The following NFIB variants were observed in gnomAD, a reference collection of about 807,000 sequenced individuals.
NFIB encodes the protein nuclear factor I B.
NFIB carries 11 observed loss-of-function variants against 61.5 expected under a neutral mutation model. The ratio of observed to expected loss-of-function variants is 0.18; its 90% CI spans 0.11 to 0.30. The LOEUF (loss-of-function observed/expected upper bound fraction) is 0.30. Among genes scored for constraint, NFIB ranks in the 10% least tolerant of loss-of-function variants. The pLI, the probability that NFIB is intolerant of heterozygous loss-of-function variation, is 1.00. For synonymous variants in NFIB, 260 were observed against 216.5 expected (o/e 1.20, Z -1.76); for missense variants, 471 against 608.9 (o/e 0.77, Z 2.38).
chr9:14,310,255 C>CT (rs936423394), intron 1 of NFIB, among the ~76,000 whole-genome samples: 6 of 151,976 alleles, frequency 3.9e-5, no homozygotes, highest in South Asian at 2.1e-4. Flanking sequence ...AAAACATGCT[C>CT]TTTTTTTTGA....
At chr9:14,308,389 G>A (rs1344524379) in intron 1 of NFIB, among the ~76,000 whole-genome samples, 1 of 152,080 alleles carries the variant, frequency 6.6e-6, no homozygotes, top group Admixed American at 6.6e-5. Flanking sequence ...TTTTTAAATA[G>A]AAGTTTTCAA....
chr9:14,528,089 T>C, the NFIB span, among the ~76,000 whole-genome samples: 2 of 152,178 alleles, frequency 1.3e-5, no homozygotes, highest in Admixed American at 1.3e-4. Context: ...GGATTTTCAG[T>C]TTAAAATAGT....
the NFIB span, among the ~76,000 whole-genome samples, chr9:14,517,759 G>T: frequency 6.6e-6 from 1 of 152,052 alleles, no homozygotes; most frequent in Non-Finnish European, 1.5e-5. Context: ...TAATTTAAGT[G>T]CCCTCACTTA....
intron 1 of NFIB, among the ~76,000 whole-genome samples, chr9:14,367,268 C>T (rs1467390990): frequency 6.6e-6 from 1 of 151,960 alleles, no homozygotes; most frequent in East Asian, 1.9e-4. Context: ...GTGACAGTTT[C>T]CATAGTGAAC....
intron 10 of NFIB, among the ~76,000 whole-genome samples, chr9:14,097,875 C>CTTTT (rs71321962): frequency 6.3e-5 from 7 of 110,834 alleles, no homozygotes; most frequent in African/African-American, 1.4e-4. Flanking sequence ...TTTCTTTTTT[C>CTTTT]TTTTTTTTTT....
chr9:14,480,130 G>A, the NFIB span, among the ~76,000 whole-genome samples: 5 of 151,888 alleles, frequency 3.3e-5, no homozygotes, highest in Non-Finnish European at 7.4e-5. Flanking sequence ...TATAAGTCAG[G>A]CCCTCTTCAA....
At chr9:14,519,558 T>C in the NFIB span, among the ~76,000 whole-genome samples, 2 of 152,190 alleles carry the variant, frequency 1.3e-5, no homozygotes, top group African/African-American at 2.4e-5. Context: ...GTTTTTGTTT[T>C]GTAACCTTAT....
chr9:14,504,705 C>A, the NFIB span, among the ~76,000 whole-genome samples: 9 of 152,248 alleles, frequency 5.9e-5, no homozygotes, highest in East Asian at 1.4e-3. Context: ...TTGCTGAATT[C>A]ATTTACCAGT....
At chr9:14,328,158 C>A (rs150716397) in intron 1 of NFIB, among the ~76,000 whole-genome samples, 269 of 152,144 alleles carry the variant, frequency 1.8e-3, no homozygotes, top group Middle Eastern at 0.01. Flanking sequence ...GCCTTTTTTT[C>A]TTTTGTGATA....
chr9:14,400,860 G>A (rs983208204), upstream of NFIB, among the ~76,000 whole-genome samples: 1 of 152,188 alleles, frequency 6.6e-6, no homozygotes, highest in African/African-American at 2.4e-5. Flanking sequence ...GGGTGATATT[G>A]CATCACTGGC....
chr9:14,455,248 A>G, the NFIB span, among the ~76,000 whole-genome samples: 8 of 152,250 alleles, frequency 5.3e-5, no homozygotes, highest in African/African-American at 1.7e-4. Flanking sequence ...TTTCAACCAC[A>G]GAAATTTGGG....
chr9:14,249,645 T>C (rs2055352545), intron 2 of NFIB, among the ~76,000 whole-genome samples: 2 of 151,342 alleles, frequency 1.3e-5, no homozygotes, highest in Admixed American at 1.3e-4. Flanking sequence ...ACTTAGCAAG[T>C]ACTGTAAAAA....
Position 14,219,432 on chromosome 9 carries a change from A to G in NFIB, c.563-39652T>C, listed in dbSNP as rs2051370257. Reference sequence around the variant, plus strand: ...CTAAGTTGAAGAGATTTTTCCAAATACGATGTAATTTAGGGTTACAATGTC... The same window carrying G: ...CTAAGTTGAAGAGATTTTTCCAAATGCGATGTAATTTAGGGTTACAATGTC... On this transcript the variant is annotated intron_variant, in intron 2 of 10. Coordinates refer to ENST00000380953, the MANE Select transcript of NFIB (RefSeq NM_001190737.2). 3.6e-5 allele frequency among the ~76,000 whole-genome samples: 5 copies of G among 139,804 alleles called. No individual in the cohort carries two copies. The South Asian group carries it at 1.2e-3, about 33-fold the overall frequency. The allele number at this position is 139,804 out of a possible 152,430, so 91.7% of individuals were successfully genotyped here. A position where few individuals can be genotyped will look rare whatever the true frequency, so the allele number is the denominator to read the frequency against.
intron 2 of NFIB, among the ~76,000 whole-genome samples, chr9:14,293,325 C>G (rs575667204): frequency 3.4e-4 from 52 of 152,302 alleles, no homozygotes; most frequent in African/African-American, 1.3e-3. Context: ...ACTCAATAAT[C>G]CCAGCATTTC....
intron 1 of NFIB, among the ~76,000 whole-genome samples, chr9:14,330,083 C>T (rs950037422): frequency 2.6e-5 from 4 of 151,940 alleles, no homozygotes; most frequent in South Asian, 4.2e-4. Flanking sequence ...GCCAAGATCG[C>T]GCCACTGCAC....
intron 10 of NFIB, among the ~76,000 whole-genome samples, chr9:14,091,837 G>C (rs2033957894): frequency 6.6e-6 from 1 of 151,928 alleles, no homozygotes; most frequent in Admixed American, 6.6e-5. Context: ...GAATTTGATA[G>C]TACCTTAACA....
the NFIB span, among the ~76,000 whole-genome samples, chr9:14,473,487 C>T: frequency 6.6e-6 from 1 of 152,220 alleles, no homozygotes; most frequent in Non-Finnish European, 1.5e-5. Context: ...ACAGATTCAA[C>T]AGGCCTAAAG....
At chr9:14,262,991 G>C (rs1397991940) in intron 2 of NFIB, among the ~76,000 whole-genome samples, 3 of 152,116 alleles carry the variant, frequency 2.0e-5, no homozygotes, top group African/African-American at 4.8e-5. Context: ...TCTAGGTCAG[G>C]AGTCTAAAAC....
At chr9:14,443,394 T>C in the NFIB span, among the ~76,000 whole-genome samples, 11,125 of 152,198 alleles carry the variant, frequency 0.073, 641 homozygotes, top group East Asian at 0.3. Context: ...ACTGACTGTC[T>C]CATAGGCATC....
Sources: gnomAD v4.1 joint callset for allele counts (sites outside exome capture counted in the v4.1 genomes callset) on GRCh38, gnomAD v4.1.1 for gene constraint, MANE v1.5 for transcripts, NCBI Gene and HGNC (gene_info 2026-07-23, HGNC 2026-07-21) for gene names.